SV2B: variants seen among roughly 807,000 people sequenced by gnomAD.
SV2B encodes solute carrier family 22 member B2.
A neutral mutation model predicts 73.9 loss-of-function variants in SV2B; 41 were observed. The ratio of observed to expected loss-of-function variants is 0.56; its 90% CI spans 0.43 to 0.72. SV2B has a LOEUF of 0.72. SV2B is among the 30% of genes least tolerant of loss of function. The pLI is 0.00. For missense variants in SV2B, 764 were observed against 857.8 expected (o/e 0.89, Z 1.37); for synonymous variants, 314 against 314.2 (o/e 1.00, Z 0.01).
intron 7 of SV2B, chr15:91,266,953 A>G: frequency 2.9e-6 from 1 of 346,940 alleles, no homozygotes; most frequent in Non-Finnish European, 5.2e-6. Context: ...ATGTAGATAA[A>G]ATGTCTAGTC....
intron 1 of SV2B, among the ~76,000 whole-genome samples, chr15:91,138,589 C>G (rs965325772): frequency 6.6e-6 from 1 of 152,096 alleles, no homozygotes; most frequent in African/African-American, 2.4e-5. Flanking sequence ...TGCATCTGTA[C>G]TAAATGGGTA....
Position 91,129,945 on chromosome 15 carries a change from CA to C in SV2B, c.-392+29585del, listed in dbSNP as rs2042592360. Among the ~76,000 whole-genome samples the C allele has an allele frequency of 6.6e-6, 1 of 152,096 alleles. No homozygotes were observed. Among genetic ancestry groups the C allele is most frequent in the Non-Finnish European group, 1.5e-5 (1 of 68,026 alleles). ...GCTTAGCTCAGTGCCTGGTCCTTGGCAAAGGCTCAGCAAAGGGAGGTGATAT... is the reference window on the plus strand; with the variant it reads ...GCTTAGCTCAGTGCCTGGTCCTTGGCAAGGCTCAGCAAAGGGAGGTGATAT... On this transcript the variant is annotated intron_variant, in intron 1 of 12. Coordinates refer to ENST00000394232, the MANE Select transcript of SV2B (RefSeq NM_001323032.3). The surrounding 1 kb of genome is among the most constrained non-coding windows in gnomAD (Gnocchi z 5.1).
intron 1 of SV2B, among the ~76,000 whole-genome samples, chr15:91,173,077 T>A (rs1411931735): frequency 6.6e-6 from 1 of 152,080 alleles, no homozygotes; most frequent in Non-Finnish European, 1.5e-5. Context: ...GAGGCACTTT[T>A]TGGTTGGTGC....
At position 91,232,593 on chromosome 15, in the gene SV2B, A is replaced by T. The variant is rs1009909018; in HGVS notation, c.451+5879A>T. ...CTAGAGGAGCGGAATTTTGAGGATG[A>T]GTTGTCTGAATTGGTTCTGGGGTTT... On this transcript the variant is annotated intron_variant, in intron 2 of 12. Transcript: ENST00000394232. This position sits in a 1 kb window ranked among gnomAD's most constrained non-coding sequence, Gnocchi z 4.7. Among the ~76,000 whole-genome samples, 1 of 152,124 alleles carries T rather than the reference A, an allele frequency of 6.6e-6. No individual in the cohort carries two copies. Among genetic ancestry groups the T allele is most frequent in the Admixed American group, 6.5e-5 (1 of 15,270 alleles).
chr15:91,249,213 C>T (rs781026662), intron 2 of SV2B, among the ~76,000 whole-genome samples: 5 of 152,210 alleles, frequency 3.3e-5, no homozygotes, highest in South Asian at 2.1e-4. Flanking sequence ...AGAAGTTGCC[C>T]GAACATATCA....
chr15:91,222,510 T>C (rs1177648905), intron 1 of SV2B, among the ~76,000 whole-genome samples: 1 of 152,220 alleles, frequency 6.6e-6, no homozygotes, highest in East Asian at 1.9e-4. Flanking sequence ...AGTCCTGTAA[T>C]GCCTTCAGCA....
At chr15:91,146,092 T>C (rs2043138932) in intron 1 of SV2B, among the ~76,000 whole-genome samples, 1 of 152,226 alleles carries the variant, frequency 6.6e-6, no homozygotes, top group Non-Finnish European at 1.5e-5. Flanking sequence ...CTAGGTTGTC[T>C]TCCAGAGTTT....
Position 91,266,589 on chromosome 15 carries a change from A to C in SV2B, c.1016A>C (p.Asn339Thr). The C allele has an allele frequency of 6.2e-7, 1 of 1,613,730 alleles. No individual in the cohort carries two copies. The highest frequency in any genetic ancestry group is 8.5e-7 in the Non-Finnish European group (1 of 1,179,796). ...GTPEKVFTVS[N>T]IKTPKQMDEF... ...CCTATTTTTACTTTTCAGGTTTCCA[A>C]CATCAAAACTCCCAAGCAAATGGAT... is the stretch of plus-strand genomic sequence containing the variant. The change falls in exon 7 of 13, where the codon AAC (asparagine) becomes ACC (threonine). Residue 339 changes from asparagine (N) to threonine (T), a missense_variant. Coordinates refer to ENST00000394232, the MANE Select transcript of SV2B (RefSeq NM_001323032.3).
Position 91,226,200 on chromosome 15 carries a change from A to G in SV2B, c.-64A>G, listed in dbSNP as rs922535743. 8 of 1,517,928 alleles carry G rather than the reference A, an allele frequency of 5.3e-6. No homozygotes were observed. The East Asian group carries it at 1.6e-4, about 30-fold the overall frequency. The allele number at this position is 1,517,928 out of a possible 1,614,324, so 94.0% of individuals were successfully genotyped here. On this transcript the variant is annotated 5_prime_UTR_variant, in exon 2 of 13. Coordinates refer to ENST00000394232, the MANE Select transcript of SV2B (RefSeq NM_001323032.3). ...TGAATGATGGTTATTGAAATAGCCC[A>G]AACCTCTACCACAGAGCGAGGGATA... is the stretch of plus-strand genomic sequence containing the variant.
chr15:91,178,150 CAT>C (rs1346360486), intron 1 of SV2B, among the ~76,000 whole-genome samples: 3 of 151,502 alleles, frequency 2.0e-5, no homozygotes, highest in African/African-American at 4.8e-5. Flanking sequence ...TTGAGATAAT[CAT>C]GTGGTTTTTG....
intron 1 of SV2B, among the ~76,000 whole-genome samples, chr15:91,180,290 T>A (rs1475281995): frequency 1.3e-4 from 20 of 152,250 alleles, no homozygotes. Context: ...CTTCCCTTTG[T>A]GGGTAACCTG....
chr15:91,130,348 C>G lies in SV2B; in HGVS notation c.-392+29985C>G, dbSNP rs1236142218. Among the ~76,000 whole-genome samples the G allele has an allele frequency of 1.3e-5, 2 of 152,106 alleles. No homozygotes were observed. The highest frequency in any genetic ancestry group is 4.2e-4 in the South Asian group (2 of 4,812). On this transcript the variant is annotated intron_variant, in intron 1 of 12. Transcript: ENST00000394232. The surrounding 1 kb of genome is among the most constrained non-coding windows in gnomAD (Gnocchi z 5.6). ...ACCAATTGCAACTCAGGGACAAGGTCAGGGTTGGAGTTACGTGCTTGGCTA... is the reference window on the plus strand; with the variant it reads ...ACCAATTGCAACTCAGGGACAAGGTGAGGGTTGGAGTTACGTGCTTGGCTA...
Position 91,239,854 on chromosome 15 carries a change from C to T in SV2B, c.452-11965C>T, listed in dbSNP as rs1286170526. Among the ~76,000 whole-genome samples the T allele has an allele frequency of 6.6e-6, 1 of 152,220 alleles. No individual in the cohort carries two copies. On this transcript the variant is annotated intron_variant, in intron 2 of 12. Coordinates refer to ENST00000394232, the MANE Select transcript of SV2B (RefSeq NM_001323032.3). This position sits in a 1 kb window ranked among gnomAD's most constrained non-coding sequence, Gnocchi z 5.1. ...GTTGGCATGTCTGCGATTCTCTTTA[C>T]TTTCCATGGTGGTCACAAGATAGCC...
chr15:91,133,695 T>C (rs1375890520), intron 1 of SV2B, among the ~76,000 whole-genome samples: 2 of 152,168 alleles, frequency 1.3e-5, no homozygotes, highest in Non-Finnish European at 2.9e-5. Context: ...CCACACTTCC[T>C]GTCCCCAGGC....
chr15:91,292,649 A>G lies in SV2B; in HGVS notation c.*97A>G, dbSNP rs2049085665. ...TATCACGGTCCGGAGGACACCTTGGATAGCACGGGAGGAGAAGTTGACTTT... is the reference window on the plus strand; with the variant it reads ...TATCACGGTCCGGAGGACACCTTGGGTAGCACGGGAGGAGAAGTTGACTTT... On this transcript the variant is annotated 3_prime_UTR_variant, in exon 13 of 13. Transcript: ENST00000394232. 5 of 1,424,118 alleles carry G rather than the reference A, an allele frequency of 3.5e-6. No individual in the cohort carries two copies. The African/African-American group carries it at 7.2e-5, about 21-fold the overall frequency. The allele number at this position is 1,424,118 out of a possible 1,614,324, so 88.2% of individuals were successfully genotyped here.
intron 1 of SV2B, among the ~76,000 whole-genome samples, chr15:91,189,899 A>G (rs2044937693): frequency 6.6e-6 from 1 of 152,094 alleles, no homozygotes; most frequent in Non-Finnish European, 1.5e-5. Context: ...GAGGCAGGAG[A>G]ATGGCATGAA....
In SV2B at chr15:91,242,573, G is replaced by A. The variant is rs541471919; in HGVS notation, c.452-9246G>A. ...AAATATGAGAAGGAGCCAGCCATGC[G>A]AAGATCTGAACAAAGAACATTCTAG... On this transcript the variant is annotated intron_variant, in intron 2 of 12. Coordinates refer to ENST00000394232, the MANE Select transcript of SV2B (RefSeq NM_001323032.3). This position sits in a 1 kb window ranked among gnomAD's most constrained non-coding sequence, Gnocchi z 4.9. Among the ~76,000 whole-genome samples the A allele has an allele frequency of 5.9e-5, 9 of 152,290 alleles. No individual in the cohort carries two copies. In the South Asian group the frequency reaches 1.7e-3, roughly 28 times the overall value.
At chr15:91,188,939 G>A (rs934395485) in intron 1 of SV2B, among the ~76,000 whole-genome samples, 1 of 151,812 alleles carries the variant, frequency 6.6e-6, no homozygotes, top group African/African-American at 2.4e-5. Context: ...TGATTCTCTA[G>A]CCTCGGCCTC....
intron 4 of SV2B, among the ~76,000 whole-genome samples, chr15:91,256,084 C>A (rs182445239): frequency 1.3e-5 from 2 of 152,026 alleles, no homozygotes; most frequent in Non-Finnish European, 1.5e-5. Context: ...TGTGAACTCA[C>A]GGGTAAAGCT....
Sources: gnomAD v4.1 joint callset for allele counts (sites outside exome capture counted in the v4.1 genomes callset) on GRCh38, gnomAD v4.1.1 for gene constraint, Gnocchi (gnomAD v3.1) non-coding constraint, MANE v1.5 for transcripts, NCBI Gene and HGNC (gene_info 2026-07-23, HGNC 2026-07-21) for gene names.